RPGR: variants seen among roughly 807,000 people sequenced by gnomAD.
RPGR encodes the protein X-linked retinitis pigmentosa GTPase regulator.
In RPGR, 10 loss-of-function variants were observed where a neutral mutation model predicts 56.3. The ratio of observed to expected loss-of-function variants is 0.18; its 90% CI spans 0.11 to 0.30. The LOEUF is 0.30. RPGR is among the 10% of genes least tolerant of loss of function. RPGR has a pLI of 1.00. For missense variants in RPGR, 538 were observed against 590.9 expected (o/e 0.91, Z 0.93); for synonymous variants, 197 against 212.9 (o/e 0.93, Z 0.65).
In RPGR at chrX:38,310,956, C is replaced by A. The variant is rs41303193; in HGVS notation, c.620-183G>T. Among the ~76,000 whole-genome samples the A allele has an allele frequency of 6.3e-3, 712 of 112,308 alleles. 6 individuals are homozygous for A. The highest frequency in any genetic ancestry group is 0.037 in the Middle Eastern group (8 of 216). ...TTCCCCTTGATTATTTTAATCCAAT[C>A]ATTTTCATGAAAAATTCATGACTAC... is the stretch of plus-strand genomic sequence containing the variant. On this transcript the variant is annotated intron_variant, in intron 6 of 18. Coordinates refer to ENST00000642395, the MANE Select transcript of RPGR (RefSeq NM_000328.3).
chrX:38,299,990 C>T (rs960428063), intron 9 of RPGR, among the ~76,000 whole-genome samples: 11 of 110,230 alleles, frequency 1.0e-4, no homozygotes, highest in Non-Finnish European at 2.1e-4. Flanking sequence ...ACTCTTCTCG[C>T]CCAGGCTGGA....
chrX:38,285,737 C>T (rs779031166), intron 15 of RPGR: 2 of 1,211,006 alleles, frequency 1.7e-6, no homozygotes. Flanking sequence ...ATTTTGCTCA[C>T]TTTTTTGTAC....
chrX:38,321,138 CA>C, intron 3 of RPGR, 49 bp from the exon 4 acceptor site: 4 of 915,739 alleles, frequency 4.4e-6, no homozygotes, highest in Non-Finnish European at 6.4e-6. Flanking sequence ...TGAAAATGAA[CA>C]GTAGTCCAGG....
At chrX:38,279,776 T>C (rs1478364156) in intron 15 of RPGR, among the ~76,000 whole-genome samples, 1 of 110,454 alleles carries the variant, frequency 9.1e-6, no homozygotes, top group Non-Finnish European at 1.9e-5. Context: ...GTATAAAATT[T>C]TGTGCTATAA....
chrX:38,269,881 T>C, intron 18 of RPGR: 1 of 922,022 alleles, frequency 1.1e-6, no homozygotes, highest in Non-Finnish European at 1.5e-6. Flanking sequence ...AAGTGAAACA[T>C]TCACTTAACA....
chrX:38,305,983 G>T (rs1022973882), intron 7 of RPGR, among the ~76,000 whole-genome samples: 5 of 111,083 alleles, frequency 4.5e-5, no homozygotes, highest in African/African-American at 1.6e-4. Context: ...AGGACTTCCA[G>T]TAACTCAGTA....
intron 15 of RPGR, chrX:38,286,435 TCTCCTTCCTCCTCTTCCCCCTCCC>T: frequency 5.3e-6 from 5 of 948,196 alleles, no homozygotes; most frequent in South Asian, 2.7e-5. Flanking sequence ...CCCTTTCCCT[TCTCCTTCCTCCTCTTCCCCCTCCC>T]CTTCCTCCTC....
chrX:38,284,725 A>G (rs1439822391), intron 15 of RPGR: 2 of 712,141 alleles, frequency 2.8e-6, no homozygotes, highest in African/African-American at 4.7e-5. Flanking sequence ...AATCTGTGAG[A>G]ATGAAAAGAA....
chrX:38,269,835 A>G lies in RPGR; in HGVS notation c.2242-3T>C, dbSNP rs775041528. ...GGGACTCTTTTGAACAGAAAAATCT[A>G]GGAAAAAAACCACACACACAAATAT... On this transcript the variant is annotated splice_region_variant and splice_polypyrimidine_tract_variant and intron_variant, in intron 18 of 18. Coordinates refer to ENST00000642395, the MANE Select transcript of RPGR (RefSeq NM_000328.3). The G allele has an allele frequency of 1.7e-6, 2 of 1,166,997 alleles. No individual in the cohort carries two copies. The highest frequency in any genetic ancestry group is 1.8e-5 in the South Asian group (1 of 55,499).
At chrX:38,285,420 T>G in intron 15 of RPGR, 1 of 1,134,861 alleles carries the variant, frequency 8.8e-7, no homozygotes, top group Non-Finnish European at 1.2e-6. Context: ...GTTGCTTTTT[T>G]TTTTACTACA....
chrX:38,282,022 T>G (rs762581612), intron 15 of RPGR, among the ~76,000 whole-genome samples: 21 of 112,019 alleles, frequency 1.9e-4, no homozygotes, highest in Non-Finnish European at 3.4e-4. Flanking sequence ...TGAACAAAAT[T>G]TATCATCTTT....
At position 38,327,454 on chromosome X, in the gene RPGR, A is replaced by C; in HGVS notation, c.-87T>G. On this transcript the variant is annotated 5_prime_UTR_variant, in exon 1 of 19. Transcript: ENST00000642395. Reference sequence around the variant, plus strand: ...GGGCTAAAGCAGCTACTCCGCACCGACGCGGGCCGCGAAAGCCCCCAAGTT... The same window carrying C: ...GGGCTAAAGCAGCTACTCCGCACCGCCGCGGGCCGCGAAAGCCCCCAAGTT... 1 of 951,683 alleles carries C rather than the reference A, an allele frequency of 1.1e-6. No individual in the cohort carries two copies. Among genetic ancestry groups the C allele is most frequent in the South Asian group, 2.5e-5 (1 of 39,825 alleles). The allele number at this position is 951,683 out of a possible 1,213,427, so 78.4% of individuals were successfully genotyped here. A position where few individuals can be genotyped will look rare whatever the true frequency, so the allele number is the denominator to read the frequency against.
At chrX:38,282,126 A>AT (rs1244175868) in intron 15 of RPGR, among the ~76,000 whole-genome samples, 1 of 111,576 alleles carries the variant, frequency 9.0e-6, no homozygotes, top group Non-Finnish European at 1.9e-5. Flanking sequence ...TTAAATATCT[A>AT]TATCTGATAT....
chrX:38,309,485 T>C (rs1020119814), intron 7 of RPGR, among the ~76,000 whole-genome samples: 1 of 112,417 alleles, frequency 8.9e-6, no homozygotes, highest in Admixed American at 9.4e-5. Flanking sequence ...AGAAAAATTG[T>C]TTGTCCCTGA....
intron 18 of RPGR, among the ~76,000 whole-genome samples, chrX:38,271,202 T>G (rs1284671970): frequency 9.0e-6 from 1 of 111,457 alleles, no homozygotes; most frequent in East Asian, 2.8e-4. Context: ...GTGGAGAAAC[T>G]AGGGTAAAAA....
intron 8 of RPGR, among the ~76,000 whole-genome samples, chrX:38,303,090 A>T (rs1333537355): frequency 2.7e-5 from 3 of 111,353 alleles, no homozygotes; most frequent in African/African-American, 9.8e-5. Context: ...TATCACCTTT[A>T]TCCCTTCTTC....
intron 17 of RPGR, chrX:38,274,991 T>G: frequency 1.5e-6 from 1 of 686,281 alleles, no homozygotes; most frequent in Non-Finnish European, 2.3e-6. Flanking sequence ...TATGTAAACT[T>G]ATATGTAAGC....
chrX:38,286,270 C>G, intron 15 of RPGR: 1 of 716,153 alleles, frequency 1.4e-6, no homozygotes, highest in East Asian at 1.1e-4. Context: ...TTCTCCCTCC[C>G]CTTCTCCTTC....
chrX:38,278,935 T>G (rs1286105117), intron 15 of RPGR, among the ~76,000 whole-genome samples: 3 of 112,470 alleles, frequency 2.7e-5, no homozygotes, highest in Non-Finnish European at 3.7e-5. Flanking sequence ...GAGTTTTACC[T>G]TATTTTAGAA....
Sources: gnomAD v4.1 joint callset for allele counts (sites outside exome capture counted in the v4.1 genomes callset) on GRCh38, gnomAD v4.1.1 for gene constraint, MANE v1.5 for transcripts, NCBI Gene and HGNC (gene_info 2026-07-23, HGNC 2026-07-21) for gene names.